MAP2: variants seen among roughly 807,000 people sequenced by gnomAD.
MAP2 encodes microtubule-associated protein 2.
In MAP2, 14 loss-of-function variants were observed where a neutral mutation model predicts 137.6. The ratio of observed to expected loss-of-function variants is 0.10; its 90% CI spans 0.07 to 0.16. The LOEUF is 0.16. Among genes scored for constraint, MAP2 ranks in the 10% least tolerant of loss-of-function variants. MAP2 has a pLI of 1.00. For synonymous variants in MAP2, 786 were observed against 782.3 expected (o/e 1.00, Z -0.08); for missense variants, 2,088 against 2,191.5 (o/e 0.95, Z 0.94).
chr2:209,446,735 A>G (rs1292039044), intron 1 of MAP2, among the ~76,000 whole-genome samples: 1 of 151,854 alleles, frequency 6.6e-6, no homozygotes, highest in Non-Finnish European at 1.5e-5. Context: ...GGTTTTCTTT[A>G]AATTTTAATT....
Position 209,695,059 on chromosome 2 carries a change from A to C in MAP2, c.2889A>C (p.Val963=), listed in dbSNP as rs149920552. 104 of 1,614,054 alleles carry C rather than the reference A, an allele frequency of 6.4e-5. No homozygotes were observed. In the Middle Eastern group the frequency reaches 8.2e-4, roughly 13 times the overall value. The change falls in exon 8 of 16, where the codon GTA becomes GTC. Residue 963 remains valine (V), a synonymous_variant. Transcript: ENST00000682079. ...EKKANDRLDT[V]LEKSEEHADS... ...AAGCTAATGATAGGTTGGATACTGT[A>C]CTAGAAAAGAGTGAAGAACATGCTG...
intron 1 of MAP2, among the ~76,000 whole-genome samples, chr2:209,437,585 A>C (rs1401381210): frequency 6.6e-6 from 1 of 151,634 alleles, no homozygotes; most frequent in Admixed American, 6.6e-5. Flanking sequence ...TGTCCTATTA[A>C]ATCAATAGTG....
At chr2:209,541,409 G>C (rs773347491) in intron 2 of MAP2, among the ~76,000 whole-genome samples, 4 of 151,168 alleles carry the variant, frequency 2.6e-5, no homozygotes, top group Non-Finnish European at 5.9e-5. Flanking sequence ...ACTGCTGACC[G>C]ATCAGGGTGG....
intron 1 of MAP2, among the ~76,000 whole-genome samples, chr2:209,480,984 T>C (rs1708608927): frequency 6.6e-6 from 1 of 152,128 alleles, no homozygotes; most frequent in African/African-American, 2.4e-5. Context: ...TACTCCATGG[T>C]GAAAAGAGGT....
rs758965405 is a variant in MAP2 at position 209,695,948 on chromosome 2, C to A, written c.3778C>A (p.Leu1260Met). Reference sequence around the variant, plus strand: ...CTCAGACACCCTTCAGATAACTGACCTGGGTGTCTCAGGTGCCAGGGAGGA... The same window carrying A: ...CTCAGACACCCTTCAGATAACTGACATGGGTGTCTCAGGTGCCAGGGAGGA... The part of the protein sequence containing the change: ...FRSDTLQITD[L>M]GVSGAREEFV... Residue 1260 changes from leucine to methionine, a missense_variant, in exon 8 of 16, where the codon CTG becomes ATG. Physicochemically the swap from Leu to Met is conservative, Grantham distance 15. Transcript: ENST00000682079. The A allele has an allele frequency of 1.2e-5, 20 of 1,613,870 alleles. No homozygotes were observed. The highest frequency in any genetic ancestry group is 1.7e-5 in the Admixed American group (1 of 59,988).
rs556939343 is a variant in MAP2, at chr2:209,504,825, T to G, written c.-221-2767T>G. ...TGTCTCCTTTTTTCTTAGGGGATAATGATTGATAATATGATTAAAATGAAC... is the reference window on the plus strand; with the variant it reads ...TGTCTCCTTTTTTCTTAGGGGATAAGGATTGATAATATGATTAAAATGAAC... On this transcript the variant is annotated intron_variant, in intron 1 of 15. Transcript: ENST00000682079. Among the ~76,000 whole-genome samples, 117 of 152,214 alleles carry G rather than the reference T, an allele frequency of 7.7e-4. 1 individual carries two copies. Among genetic ancestry groups the G allele is most frequent in the African/African-American group, 2.7e-3 (111 of 41,532 alleles).
chr2:209,575,951 A>G (rs1277864169), intron 2 of MAP2, among the ~76,000 whole-genome samples: 4 of 152,216 alleles, frequency 2.6e-5, no homozygotes, highest in Non-Finnish European at 5.9e-5. Flanking sequence ...TGGTTGGAAG[A>G]TGATCTATGA....
In MAP2 at chr2:209,517,434, A is replaced by T. The variant is rs151077264; in HGVS notation, c.-172+9793A>T. On this transcript the variant is annotated intron_variant, in intron 2 of 15. Transcript: ENST00000682079. The stretch of plus-strand genomic sequence containing the variant: ...TTTTGTCACCACAATGTGTGGCACA[A>T]TGCCAGCAGATGGCATAAAAAGTGT... Among the ~76,000 whole-genome samples the T allele has an allele frequency of 6.5e-3, 986 of 152,262 alleles. 6 individuals carry two copies. The highest frequency in any genetic ancestry group is 0.022 in the African/African-American group (925 of 41,570).
intron 2 of MAP2, among the ~76,000 whole-genome samples, chr2:209,546,083 C>T (rs191927642): frequency 1.3e-5 from 2 of 152,062 alleles, no homozygotes; most frequent in Non-Finnish European, 2.9e-5. Context: ...GCAGAGGTTG[C>T]GGTAAGCCGA....
rs1023461354 is a variant in MAP2 at position 209,730,045 on chromosome 2, T to C, written c.5268+83T>C. ...CTCTTCATCAAAATAGGTCCCAGATTGTAGACCTGGACAAATAAGAAGTGG... is the reference window on the plus strand; with the variant it reads ...CTCTTCATCAAAATAGGTCCCAGATCGTAGACCTGGACAAATAAGAAGTGG... On this transcript the variant is annotated intron_variant, in intron 15 of 15. Transcript: ENST00000682079. The C allele has an allele frequency of 3.5e-6, 4 of 1,158,498 alleles. No individual in the cohort carries two copies. In the African/African-American group the frequency reaches 4.6e-5, roughly 13 times the overall value. The allele number at this position is 1,158,498 out of a possible 1,614,324, so 71.8% of individuals were successfully genotyped here.
At chr2:209,623,928 C>G (rs1418356073) in intron 3 of MAP2, among the ~76,000 whole-genome samples, 1 of 152,116 alleles carries the variant, frequency 6.6e-6, no homozygotes, top group African/African-American at 2.4e-5. Context: ...ACTAATAGGA[C>G]TTGTTTGCTG....
intron 3 of MAP2, among the ~76,000 whole-genome samples, chr2:209,596,581 TTAAAAG>T (rs2081357396): frequency 6.6e-6 from 1 of 152,210 alleles, no homozygotes; most frequent in African/African-American, 2.4e-5. Flanking sequence ...ATGGCCACTA[TTAAAAG>T]TAAAGGAAAT....
intron 1 of MAP2, among the ~76,000 whole-genome samples, chr2:209,434,840 T>TATATGTTATATATATATGTC (rs1559156863): frequency 9.4e-6 from 1 of 106,916 alleles, no homozygotes; most frequent in Non-Finnish European, 1.7e-5. Context: ...TCTCTATATA[T>TATATGTTATATATATATGTC]ATATATATGT....
chr2:209,715,672 G>A (rs760859724), intron 13 of MAP2, among the ~76,000 whole-genome samples: 6 of 152,182 alleles, frequency 3.9e-5, no homozygotes, highest in Non-Finnish European at 8.8e-5. Context: ...CTCCAAGGAA[G>A]TAAAGAAGTA....
intron 5 of MAP2, among the ~76,000 whole-genome samples, chr2:209,657,613 C>T (rs748787763): frequency 2.6e-5 from 4 of 151,926 alleles, no homozygotes; most frequent in Non-Finnish European, 4.4e-5. Flanking sequence ...CCGTTGCTCA[C>T]TTTTTAATGA....
intron 13 of MAP2, among the ~76,000 whole-genome samples, chr2:209,715,887 A>G (rs746460949): frequency 8.5e-5 from 13 of 152,138 alleles, no homozygotes; most frequent in Non-Finnish European, 1.8e-4. Context: ...AAATAACAGG[A>G]CTTTCATATT....
intron 4 of MAP2, among the ~76,000 whole-genome samples, chr2:209,631,889 A>C (rs2093094728): frequency 6.6e-6 from 1 of 152,168 alleles, no homozygotes; most frequent in Non-Finnish European, 1.5e-5. Context: ...TTTTAATTGG[A>C]TTATGTAAGG....
chr2:209,719,021 T>TA (rs1206878447), intron 13 of MAP2, among the ~76,000 whole-genome samples: 1 of 152,088 alleles, frequency 6.6e-6, no homozygotes, highest in Admixed American at 6.5e-5. Context: ...TATTATGAAA[T>TA]AAAAAATACT....
intron 1 of MAP2, among the ~76,000 whole-genome samples, chr2:209,469,768 G>A (rs1288955487): frequency 6.6e-6 from 1 of 152,126 alleles, no homozygotes; most frequent in Non-Finnish European, 1.5e-5. Context: ...GTTCATTCTT[G>A]CAGATTAGGG....
Sources: allele counts gnomAD v4.1 joint callset (sites outside exome capture counted in the v4.1 genomes callset), GRCh38; gene constraint gnomAD v4.1.1; transcripts MANE v1.5; gene names NCBI Gene and HGNC (gene_info 2026-07-23, HGNC 2026-07-21).